The following KIAA1549L variants were observed in gnomAD, a reference collection of about 807,000 sequenced individuals.
KIAA1549L encodes the protein KIAA1549 like.
KIAA1549L carries 88 observed loss-of-function variants against 160.7 expected under a neutral mutation model. The observed-to-expected ratio is 0.55, with a 90% CI of 0.46 to 0.65. The LOEUF (loss-of-function observed/expected upper bound fraction) is 0.65, where lower values mean the gene tolerates loss of function less well. KIAA1549L is among the 30% of genes least tolerant of loss of function. The pLI is 0.00. For missense variants in KIAA1549L, 2,258 were observed against 2,437.5 expected, an observed-to-expected ratio of 0.93 and a Z score of 1.55; for synonymous variants, 950 against 976.7, an observed-to-expected ratio of 0.97 and a Z score of 0.51.
At chr11:33,498,813 C>A (rs1039716495) in intron 1 of KIAA1549L, among the ~76,000 whole-genome samples, 9 of 152,104 alleles carry the variant, frequency 5.9e-5, no homozygotes, top group African/African-American at 1.9e-4. Flanking sequence ...AGTGAGGAAT[C>A]ACCCATTTTC....
At chr11:33,537,058 C>G (rs1421825733) in intron 1 of KIAA1549L, among the ~76,000 whole-genome samples, 1 of 152,238 alleles carries the variant, frequency 6.6e-6, no homozygotes, top group Non-Finnish European at 1.5e-5. Flanking sequence ...CTTAATCTTG[C>G]CCACCTGCTG....
At chr11:33,477,833 T>A (rs1218911741) in intron 1 of KIAA1549L, among the ~76,000 whole-genome samples, 1 of 150,824 alleles carries the variant, frequency 6.6e-6, no homozygotes, top group Non-Finnish European at 1.5e-5. Flanking sequence ...TTAATAAATG[T>A]CTGCTGAATG....
intron 10 of KIAA1549L, among the ~76,000 whole-genome samples, chr11:33,578,859 A>AGTT (rs1000621235): frequency 6.6e-6 from 1 of 152,078 alleles, no homozygotes; most frequent in African/African-American, 2.4e-5. Context: ...GGGCCATAAC[A>AGTT]GTTGTTGTCT....
intron 4 of KIAA1549L, among the ~76,000 whole-genome samples, chr11:33,549,593 C>T (rs977305113): frequency 1.2e-4 from 19 of 152,188 alleles, no homozygotes; most frequent in Non-Finnish European, 1.9e-4. Context: ...AAAAACTGAC[C>T]GGGAGCACAC....
At chr11:33,426,312 C>T (rs917423635) in intron 1 of KIAA1549L, among the ~76,000 whole-genome samples, 1 of 152,136 alleles carries the variant, frequency 6.6e-6, no homozygotes, top group Non-Finnish European at 1.5e-5. Context: ...TACTGGGACA[C>T]ATGAAAGCTT....
chr11:33,507,131 G>A (rs1234436844), intron 1 of KIAA1549L, among the ~76,000 whole-genome samples: 4 of 152,162 alleles, frequency 2.6e-5, no homozygotes, highest in Non-Finnish European at 5.9e-5. Flanking sequence ...TTATTGAATC[G>A]TGACTCCCTA....
chr11:33,384,069 C>T (rs1191449482), intron 1 of KIAA1549L, among the ~76,000 whole-genome samples: 2 of 152,178 alleles, frequency 1.3e-5, no homozygotes, highest in African/African-American at 4.8e-5. Flanking sequence ...TCCACCACCA[C>T]AATCCAGATA....
At chr11:33,400,077 A>G (rs1162488598) in intron 1 of KIAA1549L, among the ~76,000 whole-genome samples, 1 of 152,260 alleles carries the variant, frequency 6.6e-6, no homozygotes, top group Non-Finnish European at 1.5e-5. Flanking sequence ...TTATTAATTA[A>G]TAGAAAAATA....
chr11:33,621,372 A>G (rs972416498), intron 16 of KIAA1549L, among the ~76,000 whole-genome samples: 2 of 152,186 alleles, frequency 1.3e-5, no homozygotes, highest in African/African-American at 4.8e-5. Flanking sequence ...TAAGGGATGT[A>G]GTACACTCCC....
intron 16 of KIAA1549L, among the ~76,000 whole-genome samples, chr11:33,631,621 G>A (rs573307435): frequency 1.6e-4 from 25 of 152,136 alleles, no homozygotes; most frequent in Admixed American, 2.6e-4. Context: ...CCTGCTCCTG[G>A]CTGAGAACTA....
At chr11:33,534,459 T>G (rs1316269607) in intron 1 of KIAA1549L, among the ~76,000 whole-genome samples, 3 of 152,090 alleles carry the variant, frequency 2.0e-5, no homozygotes, top group Non-Finnish European at 4.4e-5. Context: ...TGTCATTTAG[T>G]CTAAGTAGAA....
chr11:33,653,860 A>G (rs1232280832), intron 17 of KIAA1549L, among the ~76,000 whole-genome samples: 1 of 150,722 alleles, frequency 6.6e-6, no homozygotes. Context: ...TTAATCTATT[A>G]TTTACTTCCT....
At chr11:33,618,393 T>C (rs2133349666) in intron 15 of KIAA1549L, 140 bp from the exon 16 acceptor site, 1 of 659,236 alleles carries the variant, frequency 1.5e-6, no homozygotes, top group African/African-American at 1.8e-5. Context: ...GCCCCTTATA[T>C]CCTGGGAATA....
intron 14 of KIAA1549L, 85 bp downstream of exon 14, chr11:33,606,907 G>A (rs1433244491): frequency 2.5e-6 from 3 of 1,205,502 alleles, no homozygotes; most frequent in African/African-American, 1.5e-5. Flanking sequence ...TGAATACTGG[G>A]TGCAGATTGC....
intron 1 of KIAA1549L, among the ~76,000 whole-genome samples, chr11:33,496,629 C>A (rs1852826772): frequency 6.6e-6 from 1 of 152,202 alleles, no homozygotes. Flanking sequence ...GGCTTCCCAA[C>A]AACTTGTCTT....
chr11:33,570,628 C>T (rs1406701418), intron 9 of KIAA1549L, among the ~76,000 whole-genome samples: 1 of 152,154 alleles, frequency 6.6e-6, no homozygotes, highest in African/African-American at 2.4e-5. Context: ...TATCCTTCTA[C>T]CCTGAGGCCT....
chr11:33,434,459 A>G (rs956582557), intron 1 of KIAA1549L, among the ~76,000 whole-genome samples: 2 of 152,188 alleles, frequency 1.3e-5, no homozygotes, highest in Non-Finnish European at 2.9e-5. Flanking sequence ...GTGAGAACAG[A>G]TGAATGCAGT....
rs1210345930 is a variant in KIAA1549L at position 33,668,761 on chromosome 11, A to ATTCT, written c.*610_*613dup. 5 of 152,434 alleles carry ATTCT rather than the reference A, an allele frequency of 3.3e-5. No homozygotes were observed. The highest frequency in any genetic ancestry group is 1.3e-4 in the Admixed American group (2 of 15,320). The allele number at this position is 152,434 out of a possible 1,614,324, so 9.4% of individuals were successfully genotyped here. On this transcript the variant is annotated 3_prime_UTR_variant, in exon 21 of 21. Coordinates refer to ENST00000658780, the MANE Select transcript of KIAA1549L (RefSeq NM_012194.3). ...ATGGCTGTGCCTATAAATAGACCTGATTCTTTGTTTCCCTCGTCAATTAAA... is the reference window on the plus strand; with the variant it reads ...ATGGCTGTGCCTATAAATAGACCTGATTCTTTCTTTGTTTCCCTCGTCAATTAAA...
chr11:33,458,759 T>C (rs1851880610), intron 1 of KIAA1549L, among the ~76,000 whole-genome samples: 1 of 152,176 alleles, frequency 6.6e-6, no homozygotes, highest in Non-Finnish European at 1.5e-5. Context: ...TTTTCAGTAG[T>C]GATTGTGCTG....
Sources: gnomAD v4.1 joint callset for allele counts (sites outside exome capture counted in the v4.1 genomes callset) on GRCh38, gnomAD v4.1.1 for gene constraint, MANE v1.5 for transcripts, NCBI Gene and HGNC (gene_info 2026-07-23, HGNC 2026-07-21) for gene names.